The following FGD5 variants were observed in gnomAD, a reference collection of about 807,000 sequenced individuals.
The protein encoded by FGD5 is FYVE, RhoGEF and PH domain-containing protein 5.
FGD5 carries 28 observed loss-of-function variants against 133.4 expected under a neutral mutation model. The ratio of observed to expected loss-of-function variants is 0.21; its 90% confidence interval spans 0.16 to 0.29. The LOEUF (loss-of-function observed/expected upper bound fraction) is 0.29, where lower values mean the gene tolerates loss of function less well. Among genes scored for constraint, FGD5 ranks in the 10% least tolerant of loss-of-function variants. The probability of loss-of-function intolerance (pLI) is 1.00; values close to 1 mark genes in which losing one functional copy is unlikely to be tolerated. For synonymous variants in FGD5, 810 were observed against 776.5 expected (o/e 1.04, Z -0.72); for missense variants, 1,858 against 1,895.2 (o/e 0.98, Z 0.36).
rs570835379 is a variant in FGD5, at chr3:14,820,727, C to T, written c.1656C>T (p.Ser552=). The T allele has an allele frequency of 6.9e-5, 110 of 1,604,138 alleles. No individual in the cohort carries two copies. The highest frequency in any genetic ancestry group is 6.7e-5 in the Non-Finnish European group (79 of 1,176,286). The change falls in exon 1 of 20, where the codon TCC becomes TCT. Residue 552 remains serine, a synonymous_variant. Transcript: ENST00000285046. ...TTACTTTATACCCTCGGTCGTTCTC[C>T]GTGGAAGGCCGAGAGATTCCAGTGT... ...RAFTLYPRSF[S]VEGREIPVSV...
intron 4 of FGD5, among the ~76,000 whole-genome samples, chr3:14,895,102 G>A (rs551714383): frequency 1.3e-5 from 2 of 152,178 alleles, no homozygotes; most frequent in South Asian, 2.1e-4. Flanking sequence ...ATATATTTTG[G>A]TTGTTAATCC....
chr3:14,831,228 G>T lies in FGD5; in HGVS notation c.2525+9632G>T, dbSNP rs2036701682. 2.0e-5 allele frequency among the ~76,000 whole-genome samples: 3 copies of T among 152,184 alleles called. No homozygotes were observed. The South Asian group carries it at 6.2e-4, about 32-fold the overall frequency. On this transcript the variant is annotated intron_variant, in intron 1 of 19. Coordinates refer to ENST00000285046, the MANE Select transcript of FGD5 (RefSeq NM_152536.4). Reference sequence around the variant, plus strand: ...GGCGATGGGAAGTCGGGTAGGCAGGGACCTTGTGAAAGATTTGGATTTTAC... The same window carrying T: ...GGCGATGGGAAGTCGGGTAGGCAGGTACCTTGTGAAAGATTTGGATTTTAC...
At position 14,924,992 on chromosome 3, in the gene FGD5, C is replaced by T. The variant is rs187938231; in HGVS notation, c.4068+854C>T. Reference sequence around the variant, plus strand: ...TCATGCAGCTGTAGTCCCAGCTACTCGGGAGGCTGAGGCAGGAGAATCGCT... The same window carrying T: ...TCATGCAGCTGTAGTCCCAGCTACTTGGGAGGCTGAGGCAGGAGAATCGCT... On this transcript the variant is annotated intron_variant, in intron 17 of 19. Transcript: ENST00000285046. Among the ~76,000 whole-genome samples the T allele has an allele frequency of 1.2e-3, 175 of 148,702 alleles. 1 individual carries two copies. Among genetic ancestry groups the T allele is most frequent in the South Asian group, 3.0e-3 (14 of 4,602 alleles).
At position 14,880,789 on chromosome 3, in the gene FGD5, A is replaced by T. The variant is rs1448947924; in HGVS notation, c.2748+17A>T. ...TTAAATCTGGTGAGTTAATCATTTTAATTGTCCAAAACTAATTGCCCTTTT... is the reference window on the plus strand; with the variant it reads ...TTAAATCTGGTGAGTTAATCATTTTTATTGTCCAAAACTAATTGCCCTTTT... On this transcript the variant is annotated intron_variant, in intron 4 of 19. Coordinates refer to ENST00000285046, the MANE Select transcript of FGD5 (RefSeq NM_152536.4). 1 of 1,612,540 alleles carries T rather than the reference A, an allele frequency of 6.2e-7. No homozygotes were observed. The highest frequency in any genetic ancestry group is 1.3e-5 in the African/African-American group (1 of 74,926).
chr3:14,828,100 T>C (rs993458981), intron 1 of FGD5, among the ~76,000 whole-genome samples: 1 of 152,030 alleles, frequency 6.6e-6, no homozygotes, highest in Non-Finnish European at 1.5e-5. Flanking sequence ...AAATGACTCA[T>C]TTTGGGCAAG....
At chr3:14,837,712 T>C (rs1389435959) in intron 1 of FGD5, among the ~76,000 whole-genome samples, 3 of 152,102 alleles carry the variant, frequency 2.0e-5, no homozygotes, top group Admixed American at 6.5e-5. Context: ...TGTTCCACAG[T>C]TGGGTTTTGG....
chr3:14,900,941 C>G, intron 8 of FGD5, 62 bp from the exon 9 acceptor site: 2 of 1,594,014 alleles, frequency 1.3e-6, no homozygotes, highest in South Asian at 2.2e-5. Flanking sequence ...CCTGACACTA[C>G]AGTGGGGAAA....
chr3:14,901,036 G>A lies in FGD5; in HGVS notation c.3239G>A (p.Arg1080His), dbSNP rs375051384. The change falls in exon 9 of 20, where the codon CGT (arginine) becomes CAT (histidine). Residue 1080 changes from arginine (R) to histidine (H), a missense_variant. Around this residue, in one of 3 missense-constraint regions of FGD5, gnomAD observed 1,824 missense variants for 1,848.9 expected, o/e 0.99. Transcript: ENST00000285046. The stretch of plus-strand genomic sequence containing the variant: ...AGCCTCATCTCCAAAGTCACAGACC[G>A]TGCCAACGACAGCATGGAGCAAGGG... ...ALSLISKVTD[R>H]ANDSMEQGEN... is the part of the protein sequence containing the mutation. 90 of 1,613,876 alleles carry A rather than the reference G, an allele frequency of 5.6e-5. No individual in the cohort carries two copies. Among genetic ancestry groups the A allele is most frequent in the Middle Eastern group, 1.6e-4 (1 of 6,080 alleles).
intron 2 of FGD5, among the ~76,000 whole-genome samples, chr3:14,870,496 C>A (rs2037585396): frequency 1.3e-5 from 2 of 152,342 alleles, no homozygotes; most frequent in South Asian, 4.1e-4. Context: ...GGCCTCACCT[C>A]CTTGGGAACA....
At chr3:14,849,270 G>A (rs1191036332) in intron 1 of FGD5, among the ~76,000 whole-genome samples, 1 of 152,196 alleles carries the variant, frequency 6.6e-6, no homozygotes, top group Non-Finnish European at 1.5e-5. Flanking sequence ...TGCCCTACAG[G>A]TGCTCTGTGC....
intron 7 of FGD5, among the ~76,000 whole-genome samples, 162 bp from the exon 8 acceptor site, chr3:14,900,241 G>A (rs2038211998): frequency 6.6e-6 from 1 of 152,158 alleles, no homozygotes; most frequent in South Asian, 2.1e-4. Context: ...TGGTCCTGGG[G>A]GCCTGGTTTC....
chr3:14,841,098 G>T (rs1213411096), intron 1 of FGD5, among the ~76,000 whole-genome samples: 1 of 152,156 alleles, frequency 6.6e-6, no homozygotes, highest in Non-Finnish European at 1.5e-5. Context: ...ACACTCAGAT[G>T]CACCCATTTG....
chr3:14,814,509 C>G (rs149479002), upstream of FGD5, among the ~76,000 whole-genome samples: 2,347 of 152,218 alleles, frequency 0.015, 31 homozygotes, highest in Non-Finnish European at 0.026. Flanking sequence ...GGGGACAGAG[C>G]TGGATGCTCT....
chr3:14,876,676 G>C (rs2037725737), intron 2 of FGD5, among the ~76,000 whole-genome samples: 1 of 152,150 alleles, frequency 6.6e-6, no homozygotes, highest in Non-Finnish European at 1.5e-5. Flanking sequence ...TCGGTTGGTT[G>C]GAATTGTTTT....
chr3:14,844,414 TTAAC>T (rs1210677762), intron 1 of FGD5, among the ~76,000 whole-genome samples: 1 of 150,548 alleles, frequency 6.6e-6, no homozygotes, highest in Non-Finnish European at 1.5e-5. Context: ...GTGTGGCTTC[TTAAC>T]TAGCTGCGTG....
intron 19 of FGD5, 104 bp downstream of exon 19, chr3:14,932,835 AT>A: frequency 7.4e-7 from 1 of 1,352,872 alleles, no homozygotes; most frequent in South Asian, 1.4e-5. Flanking sequence ...ATCCTATCCC[AT>A]TAGGTCCCTT....
At chr3:14,853,999 T>G (rs2037221328) in intron 1 of FGD5, among the ~76,000 whole-genome samples, 1 of 150,180 alleles carries the variant, frequency 6.7e-6, no homozygotes, top group South Asian at 2.1e-4. Flanking sequence ...AATTTGGCCC[T>G]TCTGCAGGCT....
chr3:14,810,710 G>A (rs1350616371), upstream of FGD5: 1 of 757,486 alleles, frequency 1.3e-6, no homozygotes, highest in Non-Finnish European at 1.6e-6. Flanking sequence ...GCCGCGCGGA[G>A]TCCGAGGCGC....
intron 1 of FGD5, among the ~76,000 whole-genome samples, chr3:14,824,251 G>A (rs79056795): frequency 0.011 from 1,680 of 152,372 alleles, 23 homozygotes; most frequent in African/African-American, 0.037. Flanking sequence ...CTGGGCAAGG[G>A]AGGTTTGAGA....
Sources: allele counts gnomAD v4.1 joint callset (sites outside exome capture counted in the v4.1 genomes callset), GRCh38; gene constraint gnomAD v4.1.1; regional missense constraint gnomAD v4.1.1; transcripts MANE v1.5; gene names NCBI Gene and HGNC (gene_info 2026-07-23, HGNC 2026-07-21).